RBFOX1: variants seen among roughly 807,000 people sequenced by gnomAD.
RBFOX1 encodes the protein RNA binding fox-1 homolog 1, also known as RNA binding protein fox-1 homolog 1.
In RBFOX1, 8 loss-of-function variants were observed where a neutral mutation model predicts 57.7. The ratio of observed to expected loss-of-function variants is 0.14; its 90% CI spans 0.08 to 0.25. The LOEUF (loss-of-function observed/expected upper bound fraction) is 0.25, where lower values mean the gene tolerates loss of function less well. RBFOX1 is among the 10% of genes least tolerant of loss of function. The pLI is 1.00. For synonymous variants in RBFOX1, 326 were observed against 222.4 expected (o/e 1.47, Z -4.15); for missense variants, 611 against 548.5 (o/e 1.11, Z -1.14).
At chr16:6,886,797 GA>G (rs373166220) in intron 3 of RBFOX1, among the ~76,000 whole-genome samples, 78 of 149,266 alleles carry the variant, frequency 5.2e-4, no homozygotes, top group African/African-American at 1.6e-3. Context: ...AAAAAAACCA[GA>G]AAAAAAAAGA....
chr16:5,599,495 C>G, exon 3 of RBFOX1: 1 of 471,186 alleles, frequency 2.1e-6, no homozygotes, highest in South Asian at 3.6e-5. Context: ...AGGAAGTTCC[C>G]TGCACAGATA....
chr16:7,522,959 A>G (rs2077834607), intron 5 of RBFOX1, among the ~76,000 whole-genome samples: 2 of 152,172 alleles, frequency 1.3e-5, no homozygotes, highest in African/African-American at 4.8e-5. Flanking sequence ...ATTATCTCAA[A>G]GTCTTTTCTT....
At chr16:5,766,677 C>G (rs11076964) in intron 3 of RBFOX1, among the ~76,000 whole-genome samples, 33,095 of 152,140 alleles carry the variant, frequency 0.22, 4,026 homozygotes, top group East Asian at 0.43. Flanking sequence ...GGATCCCCCC[C>G]CAGGACCCAA....
chr16:6,555,918 T>G (rs1309441970), intron 2 of RBFOX1, among the ~76,000 whole-genome samples: 1 of 152,118 alleles, frequency 6.6e-6, no homozygotes, highest in Non-Finnish European at 1.5e-5. Flanking sequence ...ATGGGGATCA[T>G]AGGCATTCGG....
intron 4 of RBFOX1, among the ~76,000 whole-genome samples, chr16:7,108,317 C>G (rs141438763): frequency 6.8e-6 from 1 of 147,692 alleles, no homozygotes; most frequent in African/African-American, 2.4e-5. Context: ...CAAACAAGAA[C>G]TTCTTTCTAT....
intron 3 of RBFOX1, among the ~76,000 whole-genome samples, chr16:6,967,195 T>A (rs2084451717): frequency 6.6e-6 from 1 of 152,186 alleles, no homozygotes; most frequent in African/African-American, 2.4e-5. Flanking sequence ...TTTCTATCTA[T>A]ACATTGATCC....
chr16:6,608,984 G>A (rs1021357679), intron 2 of RBFOX1, among the ~76,000 whole-genome samples: 1 of 152,102 alleles, frequency 6.6e-6, no homozygotes, highest in African/African-American at 2.4e-5. Context: ...GCCATGGCCA[G>A]GCAAGCCTTT....
At chr16:5,534,403 C>A (rs1038501551) in intron 2 of RBFOX1, among the ~76,000 whole-genome samples, 2 of 152,110 alleles carry the variant, frequency 1.3e-5, no homozygotes, top group African/African-American at 4.8e-5. Context: ...TGGCTCAGTC[C>A]GAGTCCAGAT....
At chr16:7,676,565 G>A (rs1309572424) in intron 13 of RBFOX1, among the ~76,000 whole-genome samples, 2 of 152,100 alleles carry the variant, frequency 1.3e-5, no homozygotes, top group Admixed American at 6.5e-5. Context: ...GCTTATGACC[G>A]CTAACCTTTA....
intron 1 of RBFOX1, among the ~76,000 whole-genome samples, chr16:5,323,587 C>T (rs1050249895): frequency 2.0e-5 from 3 of 152,230 alleles, no homozygotes; most frequent in African/African-American, 7.2e-5. Flanking sequence ...TTAGACATTT[C>T]AGAAGAGATC....
At chr16:5,898,922 G>A (rs1362026000) in intron 4 of RBFOX1, among the ~76,000 whole-genome samples, 1 of 151,332 alleles carries the variant, frequency 6.6e-6, no homozygotes, top group Admixed American at 6.6e-5. Flanking sequence ...AAGTAGCCGG[G>A]TGTGGTGTCA....
At chr16:5,617,603 T>G (rs2048075244) in intron 3 of RBFOX1, among the ~76,000 whole-genome samples, 1 of 152,236 alleles carries the variant, frequency 6.6e-6, no homozygotes, top group Non-Finnish European at 1.5e-5. Flanking sequence ...TCTTTGGGTT[T>G]TGCCAATCTT....
intron 3 of RBFOX1, among the ~76,000 whole-genome samples, chr16:6,925,874 C>T (rs567363893): frequency 2.6e-4 from 40 of 152,172 alleles, no homozygotes; most frequent in South Asian, 2.3e-3. Flanking sequence ...TCTGTAATTA[C>T]ATTTCTCTAT....
At chr16:7,093,215 G>A (rs1045727246) in intron 4 of RBFOX1, among the ~76,000 whole-genome samples, 2 of 152,158 alleles carry the variant, frequency 1.3e-5, no homozygotes, top group Non-Finnish European at 2.9e-5. Flanking sequence ...ATCTCAGTTA[G>A]GGGGCTGAGA....
chr16:7,187,601 A>G (rs1247974159), intron 4 of RBFOX1, among the ~76,000 whole-genome samples: 1 of 141,434 alleles, frequency 7.1e-6, no homozygotes, highest in East Asian at 2.4e-4. Context: ...AGGCAGGAGA[A>G]TGGTGTGAAC....
intron 4 of RBFOX1, among the ~76,000 whole-genome samples, chr16:7,187,175 T>G (rs1020364452): frequency 2.0e-5 from 3 of 151,118 alleles, no homozygotes; most frequent in Non-Finnish European, 4.4e-5. Context: ...TCTCAAAAAA[T>G]AAATAAAAAA....
intron 1 of RBFOX1, among the ~76,000 whole-genome samples, chr16:6,077,708 A>ATTTATTTATTTATTTC (rs2095928839): frequency 6.7e-6 from 1 of 150,130 alleles, no homozygotes; most frequent in Admixed American, 6.6e-5. Context: ...TTATTTATTT[A>ATTTATTTATTTATTTC]TTCATTTATG....
intron 1 of RBFOX1, among the ~76,000 whole-genome samples, chr16:6,079,259 T>C (rs1184942705): frequency 1.3e-5 from 2 of 152,174 alleles, no homozygotes; most frequent in East Asian, 3.9e-4. Context: ...TGAGCCAAGA[T>C]TGTGCCACTG....
chr16:6,031,626 CGTGT>C (rs1279121716), intron 1 of RBFOX1, among the ~76,000 whole-genome samples: 1 of 152,190 alleles, frequency 6.6e-6, no homozygotes, highest in Non-Finnish European at 1.5e-5. Flanking sequence ...CATTTCTGCA[CGTGT>C]GTGTATGTAT....
Sources: allele counts gnomAD v4.1 joint callset (sites outside exome capture counted in the v4.1 genomes callset), GRCh38; gene constraint gnomAD v4.1.1; transcripts MANE v1.5; gene names NCBI Gene and HGNC (gene_info 2026-07-23, HGNC 2026-07-21).